Variants in OSBP observed in about 807,000 individuals in gnomAD.
The protein encoded by OSBP is oxysterol binding protein.
OSBP carries 32 observed loss-of-function variants against 96.6 expected under a neutral mutation model. The ratio of observed to expected loss-of-function variants is 0.33; its 90% confidence interval spans 0.25 to 0.45. The LOEUF (loss-of-function observed/expected upper bound fraction) is 0.45, where lower values mean the gene tolerates loss of function less well. OSBP is among the 20% of genes least tolerant of loss of function. OSBP has a pLI of 1.00. For synonymous variants in OSBP, 369 were observed against 389.6 expected, an observed-to-expected ratio of 0.95 and a Z score of 0.62; for missense variants, 653 against 1,029.7, an observed-to-expected ratio of 0.63 and a Z score of 5.01.
intron 3 of OSBP, among the ~76,000 whole-genome samples, chr11:59,602,540 G>C (rs933471736): frequency 6.6e-6 from 1 of 152,176 alleles, no homozygotes; most frequent in Non-Finnish European, 1.5e-5. Flanking sequence ...AACATAAAGA[G>C]ACCTTCATAA....
In OSBP at chr11:59,615,558, C is replaced by A; in HGVS notation, c.107G>T (p.Arg36Leu). The A allele has an allele frequency of 7.4e-7, 1 of 1,360,086 alleles. No individual in the cohort carries two copies. Among genetic ancestry groups the A allele is most frequent in the Non-Finnish European group, 9.5e-7 (1 of 1,051,906 alleles). The allele number at this position is 1,360,086 out of a possible 1,614,324, so 84.3% of individuals were successfully genotyped here. A position where few individuals can be genotyped will look rare whatever the true frequency, so the allele number is the denominator to read the frequency against. Residue 36 changes from arginine to leucine, a missense_variant, in exon 1 of 14, where the codon CGC (arginine) becomes CTC (leucine). Physicochemically the swap from Arg to Leu is moderately radical, Grantham distance 102 (BLOSUM62 -2). This residue lies in a region of OSBP where 151 missense variants were observed against 146.1 expected (regional missense o/e 1.03). Coordinates refer to ENST00000263847, the MANE Select transcript of OSBP (RefSeq NM_002556.3). ...CCCGGAGCCTGGCCCCGCATCTCCG[C>A]GGCCGCCGCCTCCTCCCACCACTGG... is the stretch of plus-strand genomic sequence containing the variant. ...GPPVVGGGGGRGDAGPGSGAA... is the reference protein window; with the variant it reads ...GPPVVGGGGGLGDAGPGSGAA...
At chr11:59,577,461 A>C (rs1272780339) in intron 12 of OSBP, among the ~76,000 whole-genome samples, 1 of 151,906 alleles carries the variant, frequency 6.6e-6, no homozygotes. Context: ...TGTCTCAGGG[A>C]TCTTTCTTTT....
chr11:59,607,648 A>G (rs1565120959), intron 3 of OSBP, among the ~76,000 whole-genome samples: 1 of 152,194 alleles, frequency 6.6e-6, no homozygotes. Flanking sequence ...GAATGTTTTT[A>G]TGCAGAAGGT....
At chr11:59,583,634 G>GTTTTT (rs764596509) in intron 9 of OSBP, among the ~76,000 whole-genome samples, 1 of 64,320 alleles carries the variant, frequency 1.6e-5, no homozygotes, top group Non-Finnish European at 3.1e-5. Flanking sequence ...CTAAATCTCT[G>GTTTTT]TTTTTTTTTT....
intron 9 of OSBP, among the ~76,000 whole-genome samples, chr11:59,591,314 A>G (rs1860577385): frequency 2.0e-5 from 3 of 152,194 alleles, no homozygotes; most frequent in African/African-American, 4.8e-5. Context: ...CAAATTATAG[A>G]GAAAATGTAC....
chr11:59,584,492 A>G (rs985743324), intron 9 of OSBP, among the ~76,000 whole-genome samples: 1 of 152,244 alleles, frequency 6.6e-6, no homozygotes, highest in Admixed American at 6.5e-5. Context: ...GAACACATAA[A>G]AACTGGTAAA....
rs141282009 is a variant in OSBP at position 59,593,815 on chromosome 11, TGAC to T, written c.1558-94_1558-92del. 1.1e-3 allele frequency: 1,789 copies of T among 1,556,472 alleles called. 20 individuals carry two copies. The African/African-American group carries it at 0.021, about 19-fold the overall frequency. On this transcript the variant is annotated intron_variant, in intron 8 of 13. Coordinates refer to ENST00000263847, the MANE Select transcript of OSBP (RefSeq NM_002556.3). ...GGTGAGAAACACCAAAATTCACACT[TGAC>T]GTTTTTACACCCACAACAGTAGGTG...
At chr11:59,595,857 T>C (rs1037996536) in intron 7 of OSBP, among the ~76,000 whole-genome samples, 2 of 151,458 alleles carry the variant, frequency 1.3e-5, no homozygotes, top group African/African-American at 2.4e-5. Flanking sequence ...GGTGGGATGA[T>C]GGCTTGAGCC....
At chr11:59,595,619 G>T (rs1336169128) in intron 7 of OSBP, among the ~76,000 whole-genome samples, 1 of 152,086 alleles carries the variant, frequency 6.6e-6, no homozygotes, top group Non-Finnish European at 1.5e-5. Flanking sequence ...TTTTCAGTTT[G>T]TTTCTATACA....
rs774372292 is a variant in OSBP at position 59,578,126 on chromosome 11, G to A, written c.2060+23C>T. 2.5e-6 allele frequency: 4 copies of A among 1,607,178 alleles called. No homozygotes were observed. The South Asian group carries it at 4.4e-5, about 18-fold the overall frequency. On this transcript the variant is annotated intron_variant, in intron 12 of 13. Transcript: ENST00000263847. ...CAGTCAAGGTCAAAGTGGTATCTGG[G>A]CAGCATGCATGCTGATACTCACGGT...
chr11:59,580,284 A>C lies in OSBP; in HGVS notation c.1783-15T>G. The C allele has an allele frequency of 6.4e-7, 1 of 1,555,578 alleles. No homozygotes were observed. Among genetic ancestry groups the C allele is most frequent in the Non-Finnish European group, 8.9e-7 (1 of 1,127,478 alleles). Reference sequence around the variant, plus strand: ...ATTTCGCCAGACTGTAAAATGAAAAAATTCAGTTTTATTAAGACTGGATAA... The same window carrying C: ...ATTTCGCCAGACTGTAAAATGAAAACATTCAGTTTTATTAAGACTGGATAA... On this transcript the variant is annotated splice_polypyrimidine_tract_variant and intron_variant, in intron 10 of 13. Coordinates refer to ENST00000263847, the MANE Select transcript of OSBP (RefSeq NM_002556.3).
intron 2 of OSBP, 65 bp downstream of exon 2, chr11:59,610,312 GACAA>G (rs748017120): frequency 1.5e-6 from 2 of 1,322,244 alleles, no homozygotes; most frequent in Non-Finnish European, 2.2e-6. Flanking sequence ...GCATAATGAT[GACAA>G]ACAAAATCTG....
intron 9 of OSBP, among the ~76,000 whole-genome samples, chr11:59,589,306 G>A (rs1418204647): frequency 6.7e-6 from 1 of 148,286 alleles, no homozygotes; most frequent in Non-Finnish European, 1.5e-5. Flanking sequence ...TTAATTAAAT[G>A]TATCTTTTTG....
intron 3 of OSBP, among the ~76,000 whole-genome samples, chr11:59,607,057 G>A (rs1860788340): frequency 6.6e-6 from 1 of 152,078 alleles, no homozygotes; most frequent in Non-Finnish European, 1.5e-5. Context: ...AAAGGTTTAG[G>A]TTTATAAAGG....
At position 59,604,861 on chromosome 11, in the gene OSBP, A is replaced by AAAAAT. The variant is rs1554980979; in HGVS notation, c.823-3024_823-3023insATTTT. ...GAGAGCAATACTCTGTCTCTAAAAA[A>AAAAAT]AAAAGAAAAAGGCCGAGCACAGTGG... On this transcript the variant is annotated intron_variant, in intron 3 of 13. Coordinates refer to ENST00000263847, the MANE Select transcript of OSBP (RefSeq NM_002556.3). Among the ~76,000 whole-genome samples, 502 of 150,764 alleles carry AAAAAT rather than the reference A, an allele frequency of 3.3e-3. 2 individuals carry two copies. The highest frequency in any genetic ancestry group is 4.4e-3 in the Non-Finnish European group (301 of 67,758).
intron 3 of OSBP, among the ~76,000 whole-genome samples, chr11:59,604,364 T>C (rs1198710921): frequency 6.6e-6 from 1 of 152,038 alleles, no homozygotes; most frequent in African/African-American, 2.4e-5. Flanking sequence ...CTGGACAACA[T>C]ACAAGACCCC....
At position 59,581,480 on chromosome 11, in the gene OSBP, T is replaced by C; in HGVS notation, c.1753A>G (p.Ile585Val). The C allele has an allele frequency of 6.2e-7, 1 of 1,611,594 alleles. No individual in the cohort carries two copies. The highest frequency in any genetic ancestry group is 8.5e-7 in the Non-Finnish European group (1 of 1,177,970). ...WKKVTTTVHN[I>V]IVGKLWIDQS... ...TCTATCCACAACTTGCCCACAATAA[T>C]GTTGTGTACAGTTGTGGTAACTTTC... is the stretch of plus-strand genomic sequence containing the variant. Residue 585 changes from isoleucine (I) to valine (V), a missense_variant, in exon 10 of 14, where the codon ATT becomes GTT. By Grantham distance (29) the Ile-to-Val change is conservative. Around this residue, in one of 6 missense-constraint regions of OSBP, gnomAD observed 6 missense variants for 26.5 expected, o/e 0.23. Transcript: ENST00000263847.
At chr11:59,593,757 G>GAA (rs1860613955) in intron 8 of OSBP, 33 bp from the exon 9 acceptor site, 1 of 1,611,854 alleles carries the variant, frequency 6.2e-7, no homozygotes, top group Non-Finnish European at 8.5e-7. Flanking sequence ...TAAGACGGCA[G>GAA]AAAGGAGAAG....
intron 11 of OSBP, 42 bp downstream of exon 11, chr11:59,580,132 A>C: frequency 7.7e-7 from 1 of 1,296,146 alleles, no homozygotes; most frequent in South Asian, 1.2e-5. Flanking sequence ...TTTCTAAGAG[A>C]TACATGCTAC....
Sources: gnomAD v4.1 joint callset for allele counts (sites outside exome capture counted in the v4.1 genomes callset) on GRCh38, gnomAD v4.1.1 for gene constraint, gnomAD v4.1.1 regional missense constraint, MANE v1.5 for transcripts, NCBI Gene and HGNC (gene_info 2026-07-23, HGNC 2026-07-21) for gene names.